The following KIF16B variants were observed in gnomAD, a reference collection of about 807,000 sequenced individuals.
KIF16B encodes kinesin family member 16B.
A neutral mutation model predicts 156.3 loss-of-function variants in KIF16B; 98 were observed. The ratio of observed to expected loss-of-function variants is 0.63; its 90% CI spans 0.53 to 0.74. The LOEUF (loss-of-function observed/expected upper bound fraction) is 0.74. KIF16B is among the 30% of genes least tolerant of loss of function. The pLI is 0.00. For missense variants in KIF16B, 1,421 were observed against 1,606.5 expected (o/e 0.88, Z 1.97); for synonymous variants, 564 against 583.7 (o/e 0.97, Z 0.49).
chr20:16,558,580 T>A (rs1162424242), intron 1 of KIF16B, among the ~76,000 whole-genome samples: 1 of 152,202 alleles, frequency 6.6e-6, no homozygotes, highest in African/African-American at 2.4e-5. Context: ...AAGATAAACT[T>A]CTTTGGTATC....
intron 12 of KIF16B, among the ~76,000 whole-genome samples, chr20:16,480,987 G>A (rs945938420): frequency 1.3e-5 from 2 of 152,134 alleles, no homozygotes; most frequent in African/African-American, 2.4e-5. Context: ...CTACAACCAT[G>A]CAATAAACAT....
rs553280341 is a variant in KIF16B at position 16,439,266 on chromosome 20, C to G, written c.1303-9284G>C. Among the ~76,000 whole-genome samples the G allele has an allele frequency of 1.1e-3, 171 of 152,280 alleles. 3 individuals carry two copies. The South Asian group carries it at 0.028, about 25-fold the overall frequency. ...ACAGCCTGCCTGAATCTCTGATATC[C>G]CCCAATCGGTCTTTTTGCTTCTCTT... is the stretch of plus-strand genomic sequence containing the variant. On this transcript the variant is annotated intron_variant, in intron 12 of 25. Coordinates refer to ENST00000354981, the MANE Select transcript of KIF16B (RefSeq NM_024704.5).
chr20:16,435,548 T>G (rs1057015363), intron 12 of KIF16B, among the ~76,000 whole-genome samples: 1 of 152,246 alleles, frequency 6.6e-6, no homozygotes, highest in Admixed American at 6.5e-5. Flanking sequence ...ATTCTTCTGA[T>G]CTGCAGACTC....
At chr20:16,432,733 T>TAAC (rs995416994) in intron 12 of KIF16B, among the ~76,000 whole-genome samples, 8 of 151,540 alleles carry the variant, frequency 5.3e-5, no homozygotes, top group Non-Finnish European at 1.0e-4. Context: ...TGAAATGAAG[T>TAAC]AACAACAACA....
At position 16,508,096 on chromosome 20, in the gene KIF16B, T is replaced by A; in HGVS notation, c.561A>T (p.Leu187Phe). The A allele has an allele frequency of 6.2e-7, 1 of 1,613,690 alleles. No individual in the cohort carries two copies. The highest frequency in any genetic ancestry group is 8.5e-7 in the Non-Finnish European group (1 of 1,179,850). ...HPKEGPYVED[L>F]SKHLVQNYGD... The stretch of plus-strand genomic sequence containing the variant: ...CATAATTCTGTACTAAATGTTTGGA[T>A]AAATCTGAAAAAGAAAATGGAAGGG... The change falls in exon 7 of 26, where the codon TTA (leucine) becomes TTT (phenylalanine). Residue 187 changes from leucine (L) to phenylalanine (F), a missense_variant. Leu to Phe is a conservative substitution (Grantham distance 22, BLOSUM62 0). Transcript: ENST00000354981.
At chr20:16,280,841 C>CGTGTGTGTGTGTGTGTGTGTGTGTGT (rs1555833614) in intron 25 of KIF16B, among the ~76,000 whole-genome samples, 3 of 74,464 alleles carry the variant, frequency 4.0e-5, no homozygotes, top group African/African-American at 1.5e-4. Context: ...TGCGCGCGCA[C>CGTGTGTGTGTGTGTGTGTGTGTGTGT]GTGTGTGTGT....
intron 1 of KIF16B, among the ~76,000 whole-genome samples, chr20:16,531,558 G>A (rs921737487): frequency 6.6e-6 from 1 of 152,116 alleles, no homozygotes; most frequent in African/African-American, 2.4e-5. Context: ...GGGATGGCCT[G>A]ACTCTGACCT....
At chr20:16,360,476 C>T (rs757990131) in intron 22 of KIF16B, among the ~76,000 whole-genome samples, 6 of 152,030 alleles carry the variant, frequency 3.9e-5, no homozygotes, top group Admixed American at 2.6e-4. Context: ...AAGTTGATGG[C>T]ATTGTAGTAG....
Position 16,335,974 on chromosome 20 carries a change from G to GTA in KIF16B, c.3661_3662dup (p.Ser1222ThrfsTer11). 1.2e-6 allele frequency: 2 copies of GTA among 1,610,312 alleles called. No individual in the cohort carries two copies. The highest frequency in any genetic ancestry group is 1.7e-6 in the Non-Finnish European group (2 of 1,177,928). On this transcript the variant is annotated frameshift_variant, in exon 24 of 26. Transcript: ENST00000354981. LOFTEE classifies it high-confidence loss of function. ...TTTTATGCATTTCTCGAAAACGACT[G>GTA]TAACGCCTGAATACAGTCCATGTCT...
intron 22 of KIF16B, among the ~76,000 whole-genome samples, chr20:16,357,488 T>C (rs936550880): frequency 2.0e-5 from 3 of 152,196 alleles, no homozygotes; most frequent in Non-Finnish European, 4.4e-5. Context: ...TGTACAATAA[T>C]TACATCCATC....
chr20:16,393,039 C>T (rs911737212), intron 17 of KIF16B, among the ~76,000 whole-genome samples: 2 of 151,834 alleles, frequency 1.3e-5, no homozygotes, highest in Admixed American at 6.6e-5. Context: ...TATTCAACGG[C>T]GTGAGAAAAA....
intron 12 of KIF16B, among the ~76,000 whole-genome samples, chr20:16,465,953 G>A (rs1488436631): frequency 6.6e-6 from 1 of 152,092 alleles, no homozygotes; most frequent in Non-Finnish European, 1.5e-5. Context: ...GCACAAAAAA[G>A]TTACTTGTTA....
At chr20:16,402,447 T>C (rs1221503822) in intron 17 of KIF16B, among the ~76,000 whole-genome samples, 1 of 152,136 alleles carries the variant, frequency 6.6e-6, no homozygotes, top group Non-Finnish European at 1.5e-5. Flanking sequence ...TGTTGACAGA[T>C]GAATATATGT....
chr20:16,428,903 A>C, intron 14 of KIF16B, 50 bp downstream of exon 14: 3 of 1,515,880 alleles, frequency 2.0e-6, no homozygotes, highest in Non-Finnish European at 2.7e-6. Flanking sequence ...TCTTCCTTGA[A>C]TACAACCTTA....
chr20:16,342,695 T>G (rs1317304927), intron 23 of KIF16B, among the ~76,000 whole-genome samples: 1 of 152,234 alleles, frequency 6.6e-6, no homozygotes, highest in Non-Finnish European at 1.5e-5. Context: ...TCACCTGAAT[T>G]CAGGCTAAAT....
intron 4 of KIF16B, among the ~76,000 whole-genome samples, chr20:16,515,084 T>C (rs1213299990): frequency 6.6e-6 from 1 of 151,966 alleles, no homozygotes; most frequent in East Asian, 1.9e-4. Flanking sequence ...GTAAATTATA[T>C]AAACTATATA....
intron 22 of KIF16B, among the ~76,000 whole-genome samples, chr20:16,360,478 T>C (rs1204483053): frequency 1.3e-5 from 2 of 152,076 alleles, no homozygotes; most frequent in Non-Finnish European, 2.9e-5. Flanking sequence ...GTTGATGGCA[T>C]TGTAGTAGGA....
At chr20:16,370,669 A>C (rs369946960) in intron 21 of KIF16B, 33 bp from the exon 22 acceptor site, 36 of 1,545,640 alleles carry the variant, frequency 2.3e-5, no homozygotes, top group Non-Finnish European at 3.1e-5. Context: ...TCTATATTAA[A>C]TTATAGCAAG....
At chr20:16,529,868 T>C (rs1174674731) in intron 1 of KIF16B, among the ~76,000 whole-genome samples, 1 of 152,128 alleles carries the variant, frequency 6.6e-6, no homozygotes, top group Non-Finnish European at 1.5e-5. Flanking sequence ...GGAGAATCAC[T>C]TGAATCCAAG....
Sources: allele counts gnomAD v4.1 joint callset (sites outside exome capture counted in the v4.1 genomes callset), GRCh38; gene constraint gnomAD v4.1.1; transcripts MANE v1.5; gene names NCBI Gene and HGNC (gene_info 2026-07-23, HGNC 2026-07-21).